EPHA3: variants seen among roughly 807,000 people sequenced by gnomAD.
The protein encoded by EPHA3 is ephrin type-A receptor 3.
EPHA3 carries 42 observed loss-of-function variants against 107.1 expected under a neutral mutation model. The observed-to-expected ratio is 0.39, with a 90% CI of 0.31 to 0.51. EPHA3 has a LOEUF of 0.51. Among genes scored for constraint, EPHA3 ranks in the 20% least tolerant of loss-of-function variants. The pLI is 0.78. For synonymous variants in EPHA3, 461 were observed against 424.8 expected, an observed-to-expected ratio of 1.09 and a Z score of -1.05; for missense variants, 1,183 against 1,211.2, an observed-to-expected ratio of 0.98 and a Z score of 0.35.
Position 89,371,395 on chromosome 3 carries a change from A to G in EPHA3, c.1307-24442A>G, listed in dbSNP as rs555357122. ...AACTATCGTCGACATTTTGGTACCT[A>G]TTGTGCAGGAATCTTTTCATTCTGG... On this transcript the variant is annotated intron_variant, in intron 5 of 16. Coordinates refer to ENST00000336596, the MANE Select transcript of EPHA3 (RefSeq NM_005233.6). Among the ~76,000 whole-genome samples, 84 of 151,728 alleles carry G rather than the reference A, an allele frequency of 5.5e-4. 1 individual carries two copies. Among genetic ancestry groups the G allele is most frequent in the African/African-American group, 1.8e-3 (74 of 41,458 alleles).
chr3:89,289,391 G>T (rs1008732744), intron 3 of EPHA3, among the ~76,000 whole-genome samples: 3 of 151,858 alleles, frequency 2.0e-5, no homozygotes, highest in African/African-American at 7.3e-5. Context: ...AAAAATTAAT[G>T]GTTTCAGAAT....
chr3:89,413,370 T>C, intron 10 of EPHA3, 104 bp downstream of exon 10: 1 of 1,441,446 alleles, frequency 6.9e-7, no homozygotes, highest in Non-Finnish European at 9.7e-7. Context: ...ATTTTCTGAT[T>C]TCATGATCAA....
chr3:89,320,948 T>C (rs1355720437), intron 3 of EPHA3, among the ~76,000 whole-genome samples: 1 of 151,960 alleles, frequency 6.6e-6, no homozygotes, highest in East Asian at 1.9e-4. Flanking sequence ...CACTCCTGTG[T>C]GTATAGTAGG....
chr3:89,444,763 C>T (rs1370485531), intron 13 of EPHA3, among the ~76,000 whole-genome samples: 1 of 152,000 alleles, frequency 6.6e-6, no homozygotes, highest in African/African-American at 2.4e-5. Flanking sequence ...TCTCAATCAT[C>T]TTTATTCTCT....
intron 3 of EPHA3, among the ~76,000 whole-genome samples, chr3:89,316,893 C>A (rs1706921044): frequency 6.6e-6 from 1 of 151,564 alleles, no homozygotes; most frequent in South Asian, 2.1e-4. Context: ...ATGTTCACAA[C>A]CACTCTTTGA....
At chr3:89,132,294 T>A (rs1037705234) in intron 2 of EPHA3, among the ~76,000 whole-genome samples, 5 of 152,218 alleles carry the variant, frequency 3.3e-5, no homozygotes, top group African/African-American at 1.2e-4. Context: ...TTCTTTGTTA[T>A]TTAAGCCACT....
intron 11 of EPHA3, among the ~76,000 whole-genome samples, chr3:89,426,722 A>C (rs1709465351): frequency 1.3e-5 from 2 of 151,998 alleles, no homozygotes; most frequent in South Asian, 2.1e-4. Flanking sequence ...GGCCAATGAT[A>C]TTGAGAGTTG....
chr3:89,360,726 G>A (rs898945476), intron 5 of EPHA3, among the ~76,000 whole-genome samples: 2 of 150,932 alleles, frequency 1.3e-5, no homozygotes, highest in African/African-American at 4.8e-5. Context: ...AGGGGAACAT[G>A]AAAAACAAGC....
chr3:89,408,589 T>A (rs1303476881), intron 9 of EPHA3, among the ~76,000 whole-genome samples: 4 of 152,130 alleles, frequency 2.6e-5, no homozygotes, highest in African/African-American at 9.7e-5. Flanking sequence ...TAAAATAAAC[T>A]GTTTATTTTG....
chr3:89,460,660 G>C (rs1191155832), intron 15 of EPHA3, among the ~76,000 whole-genome samples: 1 of 146,746 alleles, frequency 6.8e-6, no homozygotes, highest in East Asian at 2.0e-4. Context: ...TATCCTTCAA[G>C]ACAAATCGAA....
chr3:89,195,543 C>G (rs998364928), intron 2 of EPHA3, among the ~76,000 whole-genome samples: 1 of 152,126 alleles, frequency 6.6e-6, no homozygotes, highest in Non-Finnish European at 1.5e-5. Context: ...TAGCTTAAAA[C>G]CTCAGAGTCA....
chr3:89,366,831 TATTTTGTTC>T (rs1167460951), intron 5 of EPHA3, among the ~76,000 whole-genome samples: 2 of 150,814 alleles, frequency 1.3e-5, no homozygotes, highest in African/African-American at 2.4e-5. Flanking sequence ...CATTAGTATG[TATTTTGTTC>T]ATTTTGTTCA....
chr3:89,107,790 T>C lies in EPHA3; in HGVS notation c.42T>C (p.Ser14=). 6.2e-7 allele frequency: 1 copy of C among 1,614,226 alleles called. No homozygotes were observed. Among genetic ancestry groups the C allele is most frequent in the Non-Finnish European group, 8.5e-7 (1 of 1,180,036 alleles). ...QLSILLLLSC[S]VLDSFGELIP... Reference sequence around the variant, plus strand: ...CCATCCTCCTCCTTCTCAGCTGCTCTGTTCTCGACAGCTTCGGGGAACTGA... The same window carrying C: ...CCATCCTCCTCCTTCTCAGCTGCTCCGTTCTCGACAGCTTCGGGGAACTGA... Residue 14 remains serine (S), a synonymous_variant, in exon 1 of 17, where the codon TCT becomes TCC. Coordinates refer to ENST00000336596, the MANE Select transcript of EPHA3 (RefSeq NM_005233.6).
chr3:89,308,522 A>G (rs1176066305), intron 3 of EPHA3, among the ~76,000 whole-genome samples: 2 of 152,064 alleles, frequency 1.3e-5, no homozygotes, highest in Non-Finnish European at 1.5e-5. Flanking sequence ...AGTGACGGTT[A>G]TGCTAAGAAT....
chr3:89,135,118 A>G (rs1172072434), intron 2 of EPHA3, among the ~76,000 whole-genome samples: 1 of 152,188 alleles, frequency 6.6e-6, no homozygotes, highest in Non-Finnish European at 1.5e-5. Flanking sequence ...TTTAGTGATG[A>G]GAATGTTCTC....
At chr3:89,145,179 T>C (rs1704511142) in intron 2 of EPHA3, among the ~76,000 whole-genome samples, 1 of 151,682 alleles carries the variant, frequency 6.6e-6, no homozygotes, top group Non-Finnish European at 1.5e-5. Context: ...TGAGTCATTG[T>C]TCTCAAAACT....
intron 3 of EPHA3, among the ~76,000 whole-genome samples, chr3:89,230,336 T>C (rs1704599807): frequency 6.6e-6 from 1 of 152,106 alleles, no homozygotes; most frequent in Non-Finnish European, 1.5e-5. Context: ...CACAGAAAAT[T>C]TCACGTTGCC....
intron 3 of EPHA3, among the ~76,000 whole-genome samples, chr3:89,218,257 A>G (rs1483594016): frequency 1.3e-5 from 2 of 151,204 alleles, no homozygotes; most frequent in Non-Finnish European, 3.0e-5. Flanking sequence ...CTCATTTGGC[A>G]TTAGGTATAT....
At chr3:89,340,389 AT>A (rs979705836) in intron 3 of EPHA3, among the ~76,000 whole-genome samples, 10 of 152,228 alleles carry the variant, frequency 6.6e-5, no homozygotes, top group African/African-American at 1.9e-4. Flanking sequence ...CCAGAAAAAA[AT>A]ATTGTAGCTC....
Sources: gnomAD v4.1 joint callset for allele counts (sites outside exome capture counted in the v4.1 genomes callset) on GRCh38, gnomAD v4.1.1 for gene constraint, MANE v1.5 for transcripts, NCBI Gene and HGNC (gene_info 2026-07-23, HGNC 2026-07-21) for gene names.